CACNA1C: variants seen among roughly 807,000 people sequenced by gnomAD.
The protein encoded by CACNA1C is calcium voltage-gated channel subunit alpha1 C, also known as voltage-dependent L-type calcium channel subunit alpha-1C.
CACNA1C carries 30 observed loss-of-function variants against 229.0 expected under a neutral mutation model. The observed-to-expected ratio is 0.13, with a 90% CI of 0.10 to 0.18. CACNA1C has a LOEUF of 0.18. Among genes scored for constraint, CACNA1C ranks in the 10% least tolerant of loss-of-function variants. The probability of loss-of-function intolerance (pLI) is 1.00; values close to 1 mark genes in which losing one functional copy is unlikely to be tolerated. For synonymous variants in CACNA1C, 1,114 were observed against 1,132.5 expected (o/e 0.98, Z 0.33); for missense variants, 1,658 against 2,845.0 (o/e 0.58, Z 9.49).
At chr12:2,366,586 T>C (rs2097724889) in intron 3 of CACNA1C, among the ~76,000 whole-genome samples, 1 of 152,200 alleles carries the variant, frequency 6.6e-6, no homozygotes, top group Admixed American at 6.5e-5. Context: ...CAAATGCTTT[T>C]AATACGTATA....
chr12:2,344,975 G>T (rs1343303273), intron 3 of CACNA1C, among the ~76,000 whole-genome samples: 1 of 150,882 alleles, frequency 6.6e-6, no homozygotes, highest in Non-Finnish European at 1.5e-5. Context: ...CTTCGCAGAA[G>T]TGTGGACGTT....
At chr12:2,390,991 G>A (rs1437339577) in intron 3 of CACNA1C, among the ~76,000 whole-genome samples, 2 of 152,202 alleles carry the variant, frequency 1.3e-5, no homozygotes, top group Non-Finnish European at 1.5e-5. Flanking sequence ...GTGGTGTGTT[G>A]CTTCTGAACC....
chr12:2,650,837 C>G (rs82602), intron 31 of CACNA1C, among the ~76,000 whole-genome samples: 139,420 of 152,160 alleles, frequency 0.92, 65,103 homozygotes, highest in East Asian at 1. Context: ...CTGCAGAAGC[C>G]TCACTTGCAA....
At chr12:2,501,236 T>TAAAAAAAAAAAAAAAAAAAAA (rs2099759477) in intron 7 of CACNA1C, among the ~76,000 whole-genome samples, 1 of 87,858 alleles carries the variant, frequency 1.1e-5, no homozygotes, top group African/African-American at 5.3e-5. Flanking sequence ...AAAAAAAAAG[T>TAAAAAAAAAAAAAAAAAAAAA]AAAGCAATAC....
intron 3 of CACNA1C, among the ~76,000 whole-genome samples, chr12:2,150,094 G>T (rs1256534345): frequency 3.3e-5 from 5 of 152,178 alleles, no homozygotes; most frequent in African/African-American, 1.2e-4. Context: ...AGCAAGAGTA[G>T]CAGCTCCCAG....
rs190353028 is a variant in CACNA1C, at chr12:2,557,288, A to G, written c.1508+311A>G. 3.2e-3 allele frequency among the ~76,000 whole-genome samples: 483 copies of G among 152,336 alleles called. 1 individual carries two copies. Among genetic ancestry groups the G allele is most frequent in the Non-Finnish European group, 5.8e-3 (393 of 68,026 alleles). ...TGAAGTCCAGTTAAAAGAAACATAAAGTGAGCCCTTGTGACTGTCATGACC... is the reference window on the plus strand; with the variant it reads ...TGAAGTCCAGTTAAAAGAAACATAAGGTGAGCCCTTGTGACTGTCATGACC... On this transcript the variant is annotated intron_variant, in intron 11 of 46. Coordinates refer to ENST00000399655, the MANE Select transcript of CACNA1C (RefSeq NM_000719.7).
intron 3 of CACNA1C, among the ~76,000 whole-genome samples, chr12:2,154,466 C>T (rs977219362): frequency 3.3e-5 from 5 of 152,212 alleles, no homozygotes; most frequent in African/African-American, 1.2e-4. Context: ...AGCCTGGCGC[C>T]CACTTAACAA....
chr12:2,409,912 C>G (rs2098787118), intron 3 of CACNA1C, among the ~76,000 whole-genome samples: 1 of 152,098 alleles, frequency 6.6e-6, no homozygotes, highest in South Asian at 2.1e-4. Context: ...GGAAGTAGGG[C>G]TAGGAGGAAA....
chr12:2,162,028 T>C (rs191696645), intron 3 of CACNA1C, among the ~76,000 whole-genome samples: 96 of 152,294 alleles, frequency 6.3e-4, no homozygotes, highest in African/African-American at 2.1e-3. Context: ...ACAATGGTAG[T>C]TTATTTACGA....
intron 3 of CACNA1C, among the ~76,000 whole-genome samples, chr12:2,141,805 A>G (rs1007088544): frequency 6.6e-6 from 1 of 151,178 alleles, no homozygotes; most frequent in Non-Finnish European, 1.5e-5. Context: ...GCCCCCATCT[A>G]TCTGGAAGTG....
chr12:2,247,824 A>G (rs2074008197), intron 3 of CACNA1C, among the ~76,000 whole-genome samples: 1 of 151,954 alleles, frequency 6.6e-6, no homozygotes, highest in South Asian at 2.1e-4. Flanking sequence ...CTTTCTCTTT[A>G]TTCTCCAAGG....
chr12:2,383,782 A>T (rs1219754377), intron 3 of CACNA1C, among the ~76,000 whole-genome samples: 1 of 152,248 alleles, frequency 6.6e-6, no homozygotes, highest in African/African-American at 2.4e-5. Context: ...AAGCCAGTGC[A>T]AGACAACGCC....
Position 2,522,507 on chromosome 12 carries a change from T to G in CACNA1C, c.1390+9523T>G, listed in dbSNP as rs180871721. ...GTTGACAGAATGGGCAGAAATGATT[T>G]GGCGTTGAGAAAGTGGGCCGAGAGG... On this transcript the variant is annotated intron_variant, in intron 9 of 46. Transcript: ENST00000399655. 3.9e-3 allele frequency among the ~76,000 whole-genome samples: 600 copies of G among 152,298 alleles called. 4 individuals are homozygous for G. The highest frequency in any genetic ancestry group is 0.014 in the African/African-American group (581 of 41,568).
chr12:2,463,830 C>G (rs1373487746), intron 5 of CACNA1C, among the ~76,000 whole-genome samples: 1 of 152,184 alleles, frequency 6.6e-6, no homozygotes, highest in Non-Finnish European at 1.5e-5. Flanking sequence ...TCTACAGTAA[C>G]AGAATCAGTT....
chr12:2,524,110 T>C (rs1222639516), intron 9 of CACNA1C, among the ~76,000 whole-genome samples: 1 of 152,192 alleles, frequency 6.6e-6, no homozygotes, highest in Non-Finnish European at 1.5e-5. Context: ...GGATGATTTA[T>C]AGAACTGGAA....
chr12:2,255,435 A>G (rs550177585), intron 3 of CACNA1C, among the ~76,000 whole-genome samples: 1 of 152,298 alleles, frequency 6.6e-6, no homozygotes, highest in African/African-American at 2.4e-5. Flanking sequence ...TTGCCCATCC[A>G]TGCCTGCAAG....
intron 3 of CACNA1C, among the ~76,000 whole-genome samples, chr12:2,317,799 G>T (rs2095771150): frequency 6.6e-6 from 1 of 152,212 alleles, no homozygotes. Flanking sequence ...ATTGGATGTG[G>T]GAACACAGTC....
Position 2,457,636 on chromosome 12 carries a change from C to T in CACNA1C, c.687C>T (p.Ala229=), listed in dbSNP as rs201664704. The T allele has an allele frequency of 3.2e-5, 52 of 1,612,752 alleles. No homozygotes were observed. Among genetic ancestry groups the T allele is most frequent in the Non-Finnish European group, 3.7e-5 (44 of 1,179,412 alleles). ...DGANALGGKG[A]GFDVKALRAF... ...CAAACGCTCTCGGAGGGAAAGGGGC[C>T]GGATTTGATGTGAAGGCGCTGAGGG... Residue 229 remains alanine, a synonymous_variant, in exon 5 of 47, where the codon GCC becomes GCT. Transcript: ENST00000399655.
intron 3 of CACNA1C, among the ~76,000 whole-genome samples, chr12:2,239,876 C>T (rs773755469): frequency 6.6e-6 from 1 of 152,102 alleles, no homozygotes; most frequent in African/African-American, 2.4e-5. Context: ...GGCTGGCCCA[C>T]GTGATGGCCA....
Sources: allele counts gnomAD v4.1 joint callset (sites outside exome capture counted in the v4.1 genomes callset), GRCh38; gene constraint gnomAD v4.1.1; transcripts MANE v1.5; gene names NCBI Gene and HGNC (gene_info 2026-07-23, HGNC 2026-07-21).